PCSK6: variants seen among roughly 807,000 people sequenced by gnomAD.
The protein encoded by PCSK6 is proprotein convertase subtilisin/kexin type 6.
In PCSK6, 85 loss-of-function variants were observed where a neutral mutation model predicts 123.3. The ratio of observed to expected loss-of-function variants is 0.69; its 90% CI spans 0.58 to 0.83. The LOEUF is 0.83. Among genes scored for constraint, PCSK6 ranks in the 40% least tolerant of loss-of-function variants. The pLI is 0.00. For synonymous variants in PCSK6, 508 were observed against 516.0 expected, an observed-to-expected ratio of 0.98 and a Z score of 0.21; for missense variants, 1,191 against 1,282.3, an observed-to-expected ratio of 0.93 and a Z score of 1.09.
At position 101,326,558 on chromosome 15, in the gene PCSK6, G is replaced by T. The variant is rs138006456; in HGVS notation, c.2078-79C>A. 1,161 of 1,355,048 alleles carry T rather than the reference G, an allele frequency of 8.6e-4. 1 individual carries two copies. The highest frequency in any genetic ancestry group is 1.1e-3 in the Non-Finnish European group (1,069 of 977,778). 83.9% of individuals were successfully genotyped at this position (1,355,048 alleles called of 1,614,324 possible). ...GCAGTCCCGCGGATCCCTGTGTCAG[G>T]ATATCGCAGCTTGGCAGGGTTGGGA... On this transcript the variant is annotated intron_variant, in intron 15 of 21. Coordinates refer to ENST00000611716, the MANE Select transcript of PCSK6 (RefSeq NM_002570.5).
chr15:101,321,141 C>T (rs2040113846), intron 18 of PCSK6, among the ~76,000 whole-genome samples: 1 of 152,348 alleles, frequency 6.6e-6, no homozygotes, highest in Non-Finnish European at 1.5e-5. Flanking sequence ...GCCTGACCTG[C>T]AGAGCCTGGG....
chr15:101,448,660 G>C (rs2056954547), intron 1 of PCSK6, among the ~76,000 whole-genome samples: 3 of 152,178 alleles, frequency 2.0e-5, no homozygotes, highest in African/African-American at 7.2e-5. Context: ...CTGACTGATG[G>C]GGAAACTGAG....
chr15:101,384,178 C>T, intron 10 of PCSK6, 144 bp downstream of exon 10: 1 of 1,448,180 alleles, frequency 6.9e-7, no homozygotes, highest in Non-Finnish European at 9.1e-7. Flanking sequence ...TCTTAAATAG[C>T]TGCACATGCG....
At chr15:101,409,727 T>C (rs1376543089) in intron 6 of PCSK6, among the ~76,000 whole-genome samples, 1 of 152,196 alleles carries the variant, frequency 6.6e-6, no homozygotes, top group African/African-American at 2.4e-5. Flanking sequence ...CTGGTAAAGT[T>C]AAAGGGGTGA....
In PCSK6 at chr15:101,443,626, T is replaced by C; in HGVS notation, c.332A>G (p.His111Arg). The C allele has an allele frequency of 6.2e-7, 1 of 1,613,876 alleles. No individual in the cohort carries two copies. Among genetic ancestry groups the C allele is most frequent in the Non-Finnish European group, 8.5e-7 (1 of 1,179,792 alleles). ...GNLEDYYHFY[H>R]SKTFKRSTLS... ...GGTTGATCTTTTAAAGGTTTTGCTG[T>C]GATAAAAATGGTAGTAATCTTCCAG... The change falls in exon 2 of 22, where the codon CAC becomes CGC. Residue 111 changes from histidine to arginine, a missense_variant. Physicochemically the swap from His to Arg is conservative, Grantham distance 29 (BLOSUM62 0). This residue lies in a region of PCSK6 where 204 missense variants were observed against 166.4 expected (regional missense o/e 1.23). Transcript: ENST00000611716.
intron 13 of PCSK6, among the ~76,000 whole-genome samples, chr15:101,359,833 G>C (rs1359917421): frequency 6.6e-6 from 1 of 152,246 alleles, no homozygotes; most frequent in Admixed American, 6.5e-5. Flanking sequence ...TGCTCATACA[G>C]CTTGAAAGGC....
intron 1 of PCSK6, among the ~76,000 whole-genome samples, chr15:101,459,556 C>CACACCACCCGCTG (rs1422253800): frequency 7.0e-6 from 1 of 142,378 alleles, no homozygotes; most frequent in Non-Finnish European, 1.6e-5. Context: ...CATTCCCGTC[C>CACACCACCCGCTG]CCCCCACCAT....
At chr15:101,463,109 G>C (rs559698585) in intron 1 of PCSK6, 15 of 459,534 alleles carry the variant, frequency 3.3e-5, no homozygotes, top group South Asian at 1.2e-4. Flanking sequence ...AACTGTAAGA[G>C]ACCTGGAGCC....
At chr15:101,393,486 C>A (rs2042297938) in intron 7 of PCSK6, 62 bp from the exon 8 acceptor site, 4 of 1,343,758 alleles carry the variant, frequency 3.0e-6, no homozygotes, top group Admixed American at 2.2e-5. Flanking sequence ...TGGGTCTCCC[C>A]CCGAACCTAG....
chr15:101,346,666 A>C, intron 13 of PCSK6: 3 of 954,234 alleles, frequency 3.1e-6, no homozygotes, highest in Non-Finnish European at 2.7e-6. Context: ...CTCATTCCTA[A>C]AACTGAGGGC....
At chr15:101,396,554 C>T (rs1297837655) in intron 7 of PCSK6, among the ~76,000 whole-genome samples, 9 of 152,152 alleles carry the variant, frequency 5.9e-5, no homozygotes, top group East Asian at 5.8e-4. Flanking sequence ...TAGGATGTCT[C>T]GCTTGTCATC....
intron 1 of PCSK6, among the ~76,000 whole-genome samples, chr15:101,447,169 C>T (rs2056913478): frequency 1.3e-5 from 2 of 152,148 alleles, no homozygotes; most frequent in South Asian, 4.1e-4. Flanking sequence ...CAGGGTCCAC[C>T]CCAGGTACGA....
chr15:101,380,468 C>T (rs902551496), intron 11 of PCSK6, among the ~76,000 whole-genome samples: 1 of 152,162 alleles, frequency 6.6e-6, no homozygotes, highest in African/African-American at 2.4e-5. Context: ...AAGGCAAAAC[C>T]TCCTTTATCT....
At position 101,387,840 on chromosome 15, in the gene PCSK6, A is replaced by C. The variant is rs72770767; in HGVS notation, c.1310+1624T>G. On this transcript the variant is annotated intron_variant, in intron 9 of 21. Transcript: ENST00000611716. ...ACAGGCGAGAGCTATCCCAGGCTAC[A>C]GGTCTGCTCAACACAGGTTTTCAAA... 1.2e-4 allele frequency among the ~76,000 whole-genome samples: 18 copies of C among 152,352 alleles called. No homozygotes were observed. The East Asian group carries it at 3.3e-3, about 28-fold the overall frequency.
chr15:101,387,705 C>T (rs28432089), intron 9 of PCSK6, among the ~76,000 whole-genome samples: 14 of 146,110 alleles, frequency 9.6e-5, no homozygotes, highest in East Asian at 4.1e-4. Context: ...TGTCTGGGGG[C>T]CCTCCCCAGA....
intron 1 of PCSK6, among the ~76,000 whole-genome samples, chr15:101,459,259 CAT>C (rs1224401204): frequency 6.6e-6 from 1 of 152,172 alleles, no homozygotes; most frequent in Non-Finnish European, 1.5e-5. Flanking sequence ...CACAGGGAAT[CAT>C]GTGTGTGCTG....
intron 1 of PCSK6, among the ~76,000 whole-genome samples, chr15:101,474,649 C>T (rs2057685372): frequency 6.6e-6 from 1 of 152,206 alleles, no homozygotes; most frequent in African/African-American, 2.4e-5. Context: ...TCCCCTGACA[C>T]CTCTGACCCA....
chr15:101,463,385 CAT>C (rs2057381876), intron 1 of PCSK6, among the ~76,000 whole-genome samples: 1 of 152,150 alleles, frequency 6.6e-6, no homozygotes. Flanking sequence ...TTCCAGGTGC[CAT>C]CAACATTCCC....
At chr15:101,404,534 G>C (rs1033220649) in intron 6 of PCSK6, among the ~76,000 whole-genome samples, 2 of 152,244 alleles carry the variant, frequency 1.3e-5, no homozygotes, top group African/African-American at 4.8e-5. Flanking sequence ...AGGCTGGCAA[G>C]ATCGTGGCCG....
Sources: gnomAD v4.1 joint callset for allele counts (sites outside exome capture counted in the v4.1 genomes callset) on GRCh38, gnomAD v4.1.1 for gene constraint, gnomAD v4.1.1 regional missense constraint, MANE v1.5 for transcripts, NCBI Gene and HGNC (gene_info 2026-07-23, HGNC 2026-07-21) for gene names.